Variants in GRID2 observed in about 807,000 individuals in gnomAD.
GRID2 encodes glutamate ionotropic receptor delta type subunit 2, also known as glutamate receptor ionotropic, delta-2.
A neutral mutation model predicts 114.8 loss-of-function variants in GRID2; 33 were observed. That is an observed-to-expected ratio of 0.29 (90% confidence interval 0.22 to 0.38). The LOEUF is 0.38. Among genes scored for constraint, GRID2 ranks in the 10% least tolerant of loss-of-function variants. The probability of loss-of-function intolerance (pLI) is 1.00; values close to 1 mark genes in which losing one functional copy is unlikely to be tolerated. For missense variants in GRID2, 1,184 were observed against 1,257.7 expected (o/e 0.94, Z 0.89); for synonymous variants, 505 against 449.9 (o/e 1.12, Z -1.55).
intron 8 of GRID2, among the ~76,000 whole-genome samples, chr4:93,360,861 C>A (rs2149274538): frequency 6.6e-6 from 1 of 151,334 alleles, no homozygotes; most frequent in South Asian, 2.1e-4. Flanking sequence ...GCAATTTTGT[C>A]TATATTTTTT....
chr4:93,094,403 C>A (rs1049139710), intron 3 of GRID2, among the ~76,000 whole-genome samples: 21 of 151,784 alleles, frequency 1.4e-4, no homozygotes, highest in Non-Finnish European at 2.5e-4. Context: ...AGCTAAGAGA[C>A]TAAAAAAAAG....
At chr4:93,507,739 A>G (rs999579682) in intron 12 of GRID2, among the ~76,000 whole-genome samples, 4 of 152,174 alleles carry the variant, frequency 2.6e-5, no homozygotes, top group Admixed American at 2.0e-4. Context: ...ACCAGGTCCT[A>G]TGTCTACCAG....
At chr4:92,946,001 A>C (rs561901838) in intron 2 of GRID2, among the ~76,000 whole-genome samples, 11 of 152,242 alleles carry the variant, frequency 7.2e-5, no homozygotes, top group African/African-American at 2.6e-4. Flanking sequence ...CTAGTCTGCT[A>C]ATGACTACCA....
At chr4:93,191,307 G>A (rs1740960518) in intron 4 of GRID2, among the ~76,000 whole-genome samples, 1 of 151,982 alleles carries the variant, frequency 6.6e-6, no homozygotes, top group Non-Finnish European at 1.5e-5. Flanking sequence ...TTGCTTTCCT[G>A]CTTCTTACTA....
chr4:92,421,384 A>G (rs1231687607), intron 1 of GRID2, among the ~76,000 whole-genome samples: 1 of 152,124 alleles, frequency 6.6e-6, no homozygotes, highest in Non-Finnish European at 1.5e-5. Flanking sequence ...ATACAGATGG[A>G]AAAAGGAGAA....
At chr4:92,858,818 A>G (rs1159218466) in intron 2 of GRID2, among the ~76,000 whole-genome samples, 3 of 152,076 alleles carry the variant, frequency 2.0e-5, no homozygotes, top group Admixed American at 2.0e-4. Flanking sequence ...CAGCCTCCCA[A>G]AGTGCTGGGA....
intron 1 of GRID2, among the ~76,000 whole-genome samples, chr4:92,433,351 C>A (rs899943081): frequency 6.6e-6 from 1 of 152,170 alleles, no homozygotes; most frequent in Non-Finnish European, 1.5e-5. Flanking sequence ...CGGCCTAGAC[C>A]GCCTTTCAAG....
chr4:92,921,254 G>T (rs1421787700), intron 2 of GRID2, among the ~76,000 whole-genome samples: 1 of 151,586 alleles, frequency 6.6e-6, no homozygotes. Flanking sequence ...ATTTGTTTAA[G>T]TTTTTTTTAA....
At chr4:93,042,680 T>TATATATATATGC (rs1396738609) in intron 2 of GRID2, among the ~76,000 whole-genome samples, 83 of 143,238 alleles carry the variant, frequency 5.8e-4, no homozygotes, top group African/African-American at 1.9e-3. Flanking sequence ...TCTATATATC[T>TATATATATATGC]ATATATATAT....
rs547681981 is a variant in GRID2 at position 93,297,706 on chromosome 4, T to C, written c.1245+59216T>C. Among the ~76,000 whole-genome samples, 27 of 152,350 alleles carry C rather than the reference T, an allele frequency of 1.8e-4. No homozygotes were observed. The South Asian group carries it at 5.6e-3, about 32-fold the overall frequency. On this transcript the variant is annotated intron_variant, in intron 8 of 15. Coordinates refer to ENST00000282020, the MANE Select transcript of GRID2 (RefSeq NM_001510.4). ...AGGGCCTAATGTTGTGCCAGCTACA[T>C]AGTATTGGCTAATATCATGATCATG...
chr4:92,654,840 T>C (rs1293442166), intron 2 of GRID2, among the ~76,000 whole-genome samples: 2 of 152,060 alleles, frequency 1.3e-5, no homozygotes, highest in Non-Finnish European at 2.9e-5. Flanking sequence ...TTTTCTCCCA[T>C]TGAAGATGTT....
rs549793292 is a variant in GRID2 at position 92,941,432 on chromosome 4, T to A, written c.245-143563T>A. 3.9e-5 allele frequency among the ~76,000 whole-genome samples: 6 copies of A among 152,308 alleles called. No homozygotes were observed. In the East Asian group the frequency reaches 1.2e-3, roughly 29 times the overall value. On this transcript the variant is annotated intron_variant, in intron 2 of 15. Coordinates refer to ENST00000282020, the MANE Select transcript of GRID2 (RefSeq NM_001510.4). ...TGGTGATATCCCCTTTATCATTTTT[T>A]ATTGTGTCTATTTGATTCTTCTGTC...
At chr4:92,464,590 G>A (rs1240590302) in intron 1 of GRID2, among the ~76,000 whole-genome samples, 1 of 151,854 alleles carries the variant, frequency 6.6e-6, no homozygotes, top group Non-Finnish European at 1.5e-5. Flanking sequence ...TTAAAAAAAG[G>A]TAATACATGA....
chr4:92,319,334 G>GA lies in GRID2; in HGVS notation c.88+14596dup, dbSNP rs1288963089. 2.0e-5 allele frequency among the ~76,000 whole-genome samples: 3 copies of GA among 152,248 alleles called. No homozygotes were observed. In the East Asian group the frequency reaches 5.8e-4, roughly 29 times the overall value. On this transcript the variant is annotated intron_variant, in intron 1 of 15. Coordinates refer to ENST00000282020, the MANE Select transcript of GRID2 (RefSeq NM_001510.4). The stretch of plus-strand genomic sequence containing the variant: ...AGTAAGATGTACTGTAATGATGAAA[G>GA]AAAAAATACCTTCTTGCAGCCAATT...
intron 2 of GRID2, among the ~76,000 whole-genome samples, chr4:92,774,358 T>TA (rs1378986163): frequency 6.6e-6 from 1 of 152,126 alleles, no homozygotes; most frequent in Admixed American, 6.6e-5. Context: ...CCTTGTAAGA[T>TA]ATACTGAAAC....
intron 1 of GRID2, among the ~76,000 whole-genome samples, chr4:92,316,723 T>A (rs879647645): frequency 6.6e-6 from 1 of 152,126 alleles, no homozygotes; most frequent in Non-Finnish European, 1.5e-5. Flanking sequence ...CTGGAGATTG[T>A]GATAATTCAA....
At chr4:93,463,943 T>C (rs957859170) in intron 11 of GRID2, among the ~76,000 whole-genome samples, 29 of 151,972 alleles carry the variant, frequency 1.9e-4, no homozygotes, top group African/African-American at 5.8e-4. Context: ...GAGCCGAGAT[T>C]GTGCCACTGC....
chr4:93,739,880 C>A (rs116769886), intron 14 of GRID2, among the ~76,000 whole-genome samples: 9,010 of 152,224 alleles, frequency 0.059, 293 homozygotes, highest in Non-Finnish European at 0.071. Context: ...AGTCTCATAT[C>A]TACTGTTTTA....
intron 8 of GRID2, among the ~76,000 whole-genome samples, chr4:93,371,801 G>T (rs182499855): frequency 7.3e-6 from 1 of 137,776 alleles, no homozygotes; most frequent in Non-Finnish European, 1.5e-5. Context: ...AGGCTGGAGC[G>T]CAGTGGCATG....
Sources: gnomAD v4.1 joint callset for allele counts (sites outside exome capture counted in the v4.1 genomes callset) on GRCh38, gnomAD v4.1.1 for gene constraint, MANE v1.5 for transcripts, NCBI Gene and HGNC (gene_info 2026-07-23, HGNC 2026-07-21) for gene names.